The following POT1 variants were observed in gnomAD, a reference collection of about 807,000 sequenced individuals.
POT1 encodes the protein protection of telomeres 1.
POT1 carries 47 observed loss-of-function variants against 78.5 expected under a neutral mutation model. The observed-to-expected ratio is 0.60, with a 90% CI of 0.47 to 0.76. The LOEUF (loss-of-function observed/expected upper bound fraction) is 0.76. Ranked by LOEUF, POT1 falls within the 30% of genes least tolerant of loss-of-function variation. The pLI, the probability that POT1 is intolerant of heterozygous loss-of-function variation, is 0.00. For missense variants in POT1, 646 were observed against 749.9 expected (o/e 0.86, Z 1.62); for synonymous variants, 259 against 260.7 (o/e 0.99, Z 0.06).
intron 9 of POT1, among the ~76,000 whole-genome samples, chr7:124,857,188 A>C (rs1336437431): frequency 4.6e-5 from 7 of 152,318 alleles, no homozygotes; most frequent in Non-Finnish European, 2.9e-5. Flanking sequence ...TGAAATTCAG[A>C]TCTTCACTCT....
At chr7:124,893,762 A>G (rs1332868114) in intron 5 of POT1, among the ~76,000 whole-genome samples, 2 of 151,536 alleles carry the variant, frequency 1.3e-5, no homozygotes, top group Non-Finnish European at 3.0e-5. Context: ...CTTTCATCCA[A>G]CTAATGACTT....
intron 3 of POT1, among the ~76,000 whole-genome samples, chr7:124,915,283 G>C (rs1461255062): frequency 3.9e-5 from 6 of 152,106 alleles, no homozygotes; most frequent in Non-Finnish European, 7.4e-5. Flanking sequence ...GATTACTTGA[G>C]GGCTATATGG....
chr7:124,908,623 TATC>T (rs1796821133), intron 3 of POT1, among the ~76,000 whole-genome samples: 2 of 24,478 alleles, frequency 8.2e-5, no homozygotes, highest in Non-Finnish European at 1.9e-4. Flanking sequence ...CATAGTTACA[TATC>T]ATATCTGGAT....
intron 2 of POT1, among the ~76,000 whole-genome samples, chr7:124,926,845 G>A (rs575102728): frequency 6.6e-6 from 1 of 152,194 alleles, no homozygotes; most frequent in Admixed American, 6.5e-5. Flanking sequence ...AATACTGCAT[G>A]TTCTCACTCA....
chr7:124,852,943 T>C, intron 10 of POT1, 29 bp downstream of exon 10: 2 of 1,593,412 alleles, frequency 1.3e-6, no homozygotes, highest in East Asian at 2.2e-5. Context: ...CGATACCTTA[T>C]TTACATTTTC....
chr7:124,899,057 G>C (rs1354005969), intron 3 of POT1, among the ~76,000 whole-genome samples: 1 of 152,058 alleles, frequency 6.6e-6, no homozygotes, highest in Admixed American at 6.6e-5. Flanking sequence ...CAAAATGTCT[G>C]GGCTTTTGGT....
chr7:124,870,223 A>C (rs1795833860), intron 7 of POT1, among the ~76,000 whole-genome samples: 1 of 152,174 alleles, frequency 6.6e-6, no homozygotes, highest in African/African-American at 2.4e-5. Flanking sequence ...AAAATTCCAG[A>C]AGTGCATTGA....
chr7:124,844,448 C>T (rs2116473729), intron 12 of POT1, among the ~76,000 whole-genome samples: 1 of 147,984 alleles, frequency 6.8e-6, no homozygotes, highest in South Asian at 2.2e-4. Context: ...TTTAAAAAGG[C>T]CATTGGCACC....
intron 6 of POT1, 149 bp from the exon 7 acceptor site, chr7:124,871,190 T>C (rs1055556460): frequency 1.8e-6 from 1 of 548,572 alleles, no homozygotes; most frequent in African/African-American, 1.9e-5. Flanking sequence ...TTCTTGGCTT[T>C]CAATACACAC....
At chr7:124,882,988 A>C (rs1322731915) in intron 6 of POT1, among the ~76,000 whole-genome samples, 1 of 152,068 alleles carries the variant, frequency 6.6e-6, no homozygotes, top group Non-Finnish European at 1.5e-5. Flanking sequence ...ATAGCTGGAA[A>C]ACAGTATAAG....
rs562910163 is a variant in POT1, at chr7:124,922,103, A to G, written c.-226-6457T>C. Among the ~76,000 whole-genome samples the G allele has an allele frequency of 2.6e-5, 4 of 152,080 alleles. No homozygotes were observed. The South Asian group carries it at 8.3e-4, about 31-fold the overall frequency. ...CAGAAAGCAGTGGACCGGCATCTCT[A>G]TAGTCCTAAAAGAAAAAAAAAGTCA... On this transcript the variant is annotated intron_variant, in intron 2 of 18. Coordinates refer to ENST00000357628, the MANE Select transcript of POT1 (RefSeq NM_015450.3).
chr7:124,868,017 C>T (rs1795773407), intron 7 of POT1, among the ~76,000 whole-genome samples: 1 of 152,032 alleles, frequency 6.6e-6, no homozygotes, highest in Non-Finnish European at 1.5e-5. Flanking sequence ...TGCTTCTTTG[C>T]ATTAAAACAG....
At chr7:124,829,843 T>C (rs962754664) in intron 15 of POT1, among the ~76,000 whole-genome samples, 2 of 151,984 alleles carry the variant, frequency 1.3e-5, no homozygotes, top group South Asian at 2.1e-4. Context: ...AGAACCACAG[T>C]TGCACACCAC....
Position 124,823,812 on chromosome 7 carries a change from A to C in POT1, c.*150T>G, listed in dbSNP as rs1794563962. 1.6e-5 allele frequency: 10 copies of C among 610,040 alleles called. No individual in the cohort carries two copies. Among genetic ancestry groups the C allele is most frequent in the South Asian group, 1.6e-4 (8 of 49,082 alleles). 37.8% of individuals were successfully genotyped at this position (610,040 alleles called of 1,614,324 possible). On this transcript the variant is annotated 3_prime_UTR_variant, in exon 19 of 19. Coordinates refer to ENST00000357628, the MANE Select transcript of POT1 (RefSeq NM_015450.3). ...CATTATTTACCTTGCACCCAGTAAA[A>C]GCCAAGAGATTTAAGGTAAGGACAT... is the stretch of plus-strand genomic sequence containing the variant.
intron 8 of POT1, among the ~76,000 whole-genome samples, chr7:124,859,338 T>C (rs974766120): frequency 2.0e-5 from 3 of 152,140 alleles, no homozygotes; most frequent in African/African-American, 7.2e-5. Flanking sequence ...CACACTGCCA[T>C]AAGCTCAGAC....
At chr7:124,861,962 T>C (rs1279699245) in intron 8 of POT1, among the ~76,000 whole-genome samples, 6 of 152,172 alleles carry the variant, frequency 3.9e-5, no homozygotes, top group African/African-American at 1.4e-4. Context: ...CACTGGTCCA[T>C]ATATCTGCTT....
intron 5 of POT1, among the ~76,000 whole-genome samples, chr7:124,896,869 A>T (rs1796504212): frequency 6.6e-6 from 1 of 151,744 alleles, no homozygotes; most frequent in African/African-American, 2.4e-5. Flanking sequence ...CAAAAATTTA[A>T]GGATCTTCAT....
intron 6 of POT1, among the ~76,000 whole-genome samples, chr7:124,883,928 G>A (rs939875839): frequency 1.3e-5 from 2 of 151,144 alleles, no homozygotes; most frequent in Non-Finnish European, 2.9e-5. Flanking sequence ...GTAACAATGA[G>A]TGATTAATTA....
chr7:124,924,914 C>T (rs1215708780), intron 2 of POT1, among the ~76,000 whole-genome samples: 1 of 151,948 alleles, frequency 6.6e-6, no homozygotes, highest in Non-Finnish European at 1.5e-5. Flanking sequence ...ATTCATCTTC[C>T]ATTCATGACA....
Sources: allele counts gnomAD v4.1 joint callset (sites outside exome capture counted in the v4.1 genomes callset), GRCh38; gene constraint gnomAD v4.1.1; transcripts MANE v1.5; gene names NCBI Gene and HGNC (gene_info 2026-07-23, HGNC 2026-07-21).